MYRFL: variants seen among roughly 807,000 people sequenced by gnomAD.
MYRFL encodes myelin regulatory factor-like protein.
A neutral mutation model predicts 109.4 loss-of-function variants in MYRFL; 88 were observed. The ratio of observed to expected loss-of-function variants is 0.80; its 90% CI spans 0.68 to 0.96. MYRFL has a LOEUF of 0.96. Ranked by LOEUF, MYRFL falls within the 40% of genes least tolerant of loss-of-function variation. The pLI is 0.00. For missense variants in MYRFL, 957 were observed against 954.9 expected (o/e 1.00, Z -0.03); for synonymous variants, 324 against 320.9 (o/e 1.01, Z -0.10).
intron 19 of MYRFL, among the ~76,000 whole-genome samples, chr12:69,944,880 T>G (rs1399023138): frequency 2.8e-4 from 43 of 152,080 alleles, no homozygotes; most frequent in Admixed American, 2.8e-3. Flanking sequence ...AGTATAATTT[T>G]AAAAAAGTGA....
chr12:69,857,909 A>G (rs1201917438), intron 2 of MYRFL, among the ~76,000 whole-genome samples: 1 of 151,900 alleles, frequency 6.6e-6, no homozygotes. Context: ...GAATAAAGAA[A>G]TAGTGAGACT....
chr12:69,952,228 C>T, intron 20 of MYRFL, 53 bp downstream of exon 20: 1 of 1,467,180 alleles, frequency 6.8e-7, no homozygotes, highest in Non-Finnish European at 9.2e-7. Flanking sequence ...GCCAGGCCAA[C>T]TAACAAGTTG....
At chr12:69,905,781 C>T (rs928528034) in intron 11 of MYRFL, among the ~76,000 whole-genome samples, 1 of 151,932 alleles carries the variant, frequency 6.6e-6, no homozygotes, top group Non-Finnish European at 1.5e-5. Flanking sequence ...TAAATCTGTG[C>T]ACATTTTTGA....
intron 13 of MYRFL, among the ~76,000 whole-genome samples, chr12:69,919,313 A>T (rs4761274): frequency 0.014 from 2,059 of 152,318 alleles, 108 homozygotes; most frequent in Admixed American, 0.11. Context: ...TCTCCGTCAA[A>T]AGACTCAAGC....
chr12:69,883,110 A>G (rs772285472), intron 5 of MYRFL, among the ~76,000 whole-genome samples: 1 of 152,232 alleles, frequency 6.6e-6, no homozygotes, highest in African/African-American at 2.4e-5. Context: ...CACTTCTGTT[A>G]GATTTTCTCA....
chr12:69,909,810 G>A (rs1954495513), intron 11 of MYRFL, among the ~76,000 whole-genome samples, 159 bp from the exon 12 acceptor site: 1 of 152,168 alleles, frequency 6.6e-6, no homozygotes, highest in Non-Finnish European at 1.5e-5. Context: ...GTCCTGAAGG[G>A]CCAGCAGTTG....
intron 5 of MYRFL, 87 bp from the exon 6 acceptor site, chr12:69,886,733 G>A: frequency 4.1e-6 from 6 of 1,451,022 alleles, no homozygotes; most frequent in South Asian, 1.3e-5. Context: ...CCTTACACAT[G>A]GCCCACTCAT....
chr12:69,868,982 TCA>T (rs1219058457), intron 2 of MYRFL, among the ~76,000 whole-genome samples: 4 of 151,610 alleles, frequency 2.6e-5, no homozygotes, highest in East Asian at 3.9e-4. Flanking sequence ...ACACATGCAC[TCA>T]CACATGCACA....
intron 2 of MYRFL, among the ~76,000 whole-genome samples, chr12:69,873,586 G>C (rs1885483049): frequency 6.6e-6 from 1 of 152,128 alleles, no homozygotes; most frequent in Non-Finnish European, 1.5e-5. Flanking sequence ...CTTTGTCTTA[G>C]GCTACTAAGA....
rs139300755 is a variant in MYRFL at position 69,900,557 on chromosome 12, T to C, written c.1183-3087T>C. Among the ~76,000 whole-genome samples, 36 of 152,330 alleles carry C rather than the reference T, an allele frequency of 2.4e-4. No homozygotes were observed. The East Asian group carries it at 6.4e-3, about 27-fold the overall frequency. ...GGCTTCCAGGAGATGCTGATATTGC[T>C]AGCCTGCAGACCATGCTTTGAGTAG... On this transcript the variant is annotated intron_variant, in intron 10 of 24. Coordinates refer to ENST00000552032, the MANE Select transcript of MYRFL (RefSeq NM_182530.3).
At chr12:69,861,082 AT>A (rs1314208648) in intron 2 of MYRFL, among the ~76,000 whole-genome samples, 1 of 148,880 alleles carries the variant, frequency 6.7e-6, no homozygotes, top group Non-Finnish European at 1.5e-5. Context: ...TGAACTCATC[AT>A]TTTTTATGGC....
At chr12:69,862,320 A>T (rs1453351959) in intron 2 of MYRFL, among the ~76,000 whole-genome samples, 2 of 151,270 alleles carry the variant, frequency 1.3e-5, no homozygotes, top group Admixed American at 6.6e-5. Flanking sequence ...ATGGCATTGA[A>T]TCTATAAATT....
Position 69,936,078 on chromosome 12 carries a change from G to GTTTTTTTTTTTTTTT in MYRFL, c.1917-20_1917-6dup. On this transcript the variant is annotated intron_variant, in intron 16 of 24. Transcript: ENST00000552032. ...TCTGGAAACAAATCTGCCACATAATGTTTTTTTTTTTTTTTTTTTTTTTTT... is the reference window on the plus strand; with the variant it reads ...TCTGGAAACAAATCTGCCACATAATGTTTTTTTTTTTTTTTTTTTTTTTTTTTTTTTTTTTTTTTT... The GTTTTTTTTTTTTTTT allele has an allele frequency of 2.9e-5, 26 of 891,622 alleles. 1 individual carries two copies. The East Asian group carries it at 4.2e-4, about 14-fold the overall frequency. The allele number at this position is 891,622 out of a possible 1,614,324, so 55.2% of individuals were successfully genotyped here. A position where few individuals can be genotyped will look rare whatever the true frequency, so the allele number is the denominator to read the frequency against.
chr12:69,896,763 G>T (rs1954007782), intron 9 of MYRFL, among the ~76,000 whole-genome samples: 1 of 152,214 alleles, frequency 6.6e-6, no homozygotes, highest in Non-Finnish European at 1.5e-5. Flanking sequence ...CTTTAAGGTG[G>T]CTTCCTGTTG....
At chr12:69,898,813 G>A (rs576001584) in intron 10 of MYRFL, among the ~76,000 whole-genome samples, 128 of 152,282 alleles carry the variant, frequency 8.4e-4, no homozygotes, top group Admixed American at 8.1e-3. Context: ...GACAGCTCCT[G>A]CAAAGCTATA....
Position 69,879,256 on chromosome 12 carries a change from C to G in MYRFL, c.267C>G (p.Pro89=), listed in dbSNP as rs916008714. ...AGRTPAPFLH[P]TAAPAMPPMH... The stretch of plus-strand genomic sequence containing the variant: ...GGACTCCAGCTCCTTTTCTCCACCC[C>G]ACAGCTGCTCCTGCGATGCCGCCCA... Residue 89 remains proline, a synonymous_variant, in exon 4 of 25, where the codon CCC becomes CCG. Transcript: ENST00000552032. 1 of 702,904 alleles carries G rather than the reference C, an allele frequency of 1.4e-6. No individual in the cohort carries two copies. The highest frequency in any genetic ancestry group is 2.0e-5 in the Admixed American group (1 of 50,014). The allele number at this position is 702,904 out of a possible 1,614,324, so 43.5% of individuals were successfully genotyped here. A position where few individuals can be genotyped will look rare whatever the true frequency, so the allele number is the denominator to read the frequency against.
chr12:69,853,845 C>G (rs1005948281), intron 1 of MYRFL, among the ~76,000 whole-genome samples: 1 of 151,518 alleles, frequency 6.6e-6, no homozygotes, highest in Non-Finnish European at 1.5e-5. Flanking sequence ...CGGGAAGAGG[C>G]GCTCCTCATT....
chr12:69,898,289 T>C (rs1954068997), intron 10 of MYRFL, among the ~76,000 whole-genome samples: 1 of 152,218 alleles, frequency 6.6e-6, no homozygotes, highest in Non-Finnish European at 1.5e-5. Context: ...TTAGTGGAAA[T>C]CCTTTAACTA....
intron 4 of MYRFL, 24 bp from the exon 5 acceptor site, chr12:69,880,177 T>C (rs1431575759): frequency 2.9e-6 from 2 of 701,620 alleles, no homozygotes; most frequent in African/African-American, 3.5e-5. Flanking sequence ...AATCCTAACC[T>C]TCGTTTTGGT....
Sources: allele counts gnomAD v4.1 joint callset (sites outside exome capture counted in the v4.1 genomes callset), GRCh38; gene constraint gnomAD v4.1.1; transcripts MANE v1.5; gene names NCBI Gene and HGNC (gene_info 2026-07-23, HGNC 2026-07-21).